Variants in KAZN observed in about 807,000 individuals in gnomAD.
KAZN encodes the protein kazrin, periplakin interacting protein, also known as kazrin.
A neutral mutation model predicts 87.4 loss-of-function variants in KAZN; 40 were observed. That is an observed-to-expected ratio of 0.46 (90% CI 0.36 to 0.60). The LOEUF (loss-of-function observed/expected upper bound fraction) is 0.60. Ranked by LOEUF, KAZN falls within the 20% of genes least tolerant of loss-of-function variation. The probability of loss-of-function intolerance (pLI) is 0.00; values close to 1 mark genes in which losing one functional copy is unlikely to be tolerated. For missense variants in KAZN, 898 were observed against 1,073.9 expected, an observed-to-expected ratio of 0.84 and a Z score of 2.29; for synonymous variants, 466 against 458.3, an observed-to-expected ratio of 1.02 and a Z score of -0.22.
At chr1:14,752,786 C>T (rs944107845) in intron 1 of KAZN, among the ~76,000 whole-genome samples, 4 of 152,116 alleles carry the variant, frequency 2.6e-5, no homozygotes, top group Admixed American at 2.0e-4. Flanking sequence ...CCAAAACCAG[C>T]GCTTAGTTTT....
Position 14,755,463 on chromosome 1 carries a change from T to C in KAZN, c.226+156240T>C, listed in dbSNP as rs117944158. The stretch of plus-strand genomic sequence containing the variant: ...TATAAATCTTAAAAGTCAACCTATA[T>C]GTCGTGTGGTTGTAGATTTTTTTTA... On this transcript the variant is annotated intron_variant, in intron 1 of 14. Coordinates refer to ENST00000376030, the MANE Select transcript of KAZN (RefSeq NM_201628.3). Among the ~76,000 whole-genome samples the C allele has an allele frequency of 3.1e-3, 479 of 152,234 alleles. 5 individuals carry two copies. In the East Asian group the frequency reaches 0.035, roughly 11 times the overall value.
At chr1:14,505,231 G>T (rs10927449) in intron 2 of KAZN, among the ~76,000 whole-genome samples, 113,694 of 152,022 alleles carry the variant, frequency 0.75, 43,159 homozygotes, top group Non-Finnish European at 0.8. Context: ...TGGGCCAGCC[G>T]AGGCCAGTGG....
intron 1 of KAZN, among the ~76,000 whole-genome samples, chr1:14,715,264 G>C (rs567499434): frequency 1.3e-5 from 2 of 152,210 alleles, no homozygotes; most frequent in South Asian, 4.1e-4. Flanking sequence ...GGCTGGAAAA[G>C]GCCAAAGGCT....
At chr1:15,000,295 G>T (rs377436717) in intron 2 of KAZN, among the ~76,000 whole-genome samples, 1 of 151,792 alleles carries the variant, frequency 6.6e-6, no homozygotes. Context: ...TATAGCCTCC[G>T]GTGGGAGCCT....
At chr1:14,295,683 C>T (rs969989330) in intron 2 of KAZN, among the ~76,000 whole-genome samples, 3 of 152,178 alleles carry the variant, frequency 2.0e-5, no homozygotes, top group Non-Finnish European at 4.4e-5. Flanking sequence ...CATGCACACA[C>T]ACACATGCGC....
chr1:14,481,190 T>C (rs2486762), intron 2 of KAZN, among the ~76,000 whole-genome samples: 50,881 of 151,856 alleles, frequency 0.34, 8,724 homozygotes, highest in East Asian at 0.45. Flanking sequence ...CTCTTATGTG[T>C]TGCATCTTCT....
At chr1:13,901,758 T>G (rs1367681181) in intron 1 of KAZN, among the ~76,000 whole-genome samples, 1 of 152,242 alleles carries the variant, frequency 6.6e-6, no homozygotes, top group African/African-American at 2.4e-5. Context: ...GTGTGAGATA[T>G]CCACTGTTTG....
chr1:14,558,838 C>G (rs1055502411), intron 2 of KAZN, among the ~76,000 whole-genome samples: 8 of 152,220 alleles, frequency 5.3e-5, no homozygotes, highest in African/African-American at 1.9e-4. Flanking sequence ...GAACAGAAAT[C>G]CTCTCAAATG....
chr1:14,071,424 T>A (rs1228107394), intron 1 of KAZN, among the ~76,000 whole-genome samples: 1 of 152,198 alleles, frequency 6.6e-6, no homozygotes, highest in Non-Finnish European at 1.5e-5. Context: ...TCTCATAGGT[T>A]CTAAGAGTAC....
intron 1 of KAZN, among the ~76,000 whole-genome samples, chr1:13,997,935 G>A (rs6659888): frequency 0.14 from 20,720 of 152,006 alleles, 1,529 homozygotes; most frequent in Middle Eastern, 0.22. Flanking sequence ...CTCCAAGGTC[G>A]AAATGAAGGA....
intron 2 of KAZN, among the ~76,000 whole-genome samples, chr1:14,296,083 T>C (rs1654091954): frequency 6.6e-6 from 1 of 152,168 alleles, no homozygotes. Context: ...TGACTTTGTA[T>C]AGGGACAGCA....
intron 2 of KAZN, among the ~76,000 whole-genome samples, chr1:14,386,786 T>C (rs1181808706): frequency 2.6e-5 from 4 of 152,126 alleles, no homozygotes; most frequent in South Asian, 2.1e-4. Context: ...CTGACAATTA[T>C]GTGTCTTGGA....
At chr1:14,042,560 T>G (rs1019093524) in intron 1 of KAZN, among the ~76,000 whole-genome samples, 2 of 152,244 alleles carry the variant, frequency 1.3e-5, no homozygotes, top group Admixed American at 6.5e-5. Context: ...TCACTCAATC[T>G]ATTTTATCAC....
At chr1:14,661,508 A>G (rs1436408608) in intron 1 of KAZN, among the ~76,000 whole-genome samples, 1 of 152,154 alleles carries the variant, frequency 6.6e-6, no homozygotes, top group East Asian at 1.9e-4. Flanking sequence ...GCAGCTGTAG[A>G]CAATATGTAA....
chr1:14,473,194 C>T (rs1450760608), intron 2 of KAZN, among the ~76,000 whole-genome samples: 1 of 152,188 alleles, frequency 6.6e-6, no homozygotes, highest in Non-Finnish European at 1.5e-5. Flanking sequence ...ACAGGATACT[C>T]AGTTAAATTA....
At chr1:14,488,775 A>G (rs1669486384) in intron 2 of KAZN, among the ~76,000 whole-genome samples, 2 of 152,180 alleles carry the variant, frequency 1.3e-5, no homozygotes, top group East Asian at 1.9e-4. Flanking sequence ...TTCTTCCCCC[A>G]GGGATCCTTC....
intron 1 of KAZN, chr1:14,924,146 G>A: frequency 1.0e-6 from 1 of 982,490 alleles, no homozygotes; most frequent in Non-Finnish European, 1.2e-6. Context: ...TCCCACGTGA[G>A]AGGCTCCGCG....
At chr1:13,962,683 A>C (rs1641799135) in intron 1 of KAZN, among the ~76,000 whole-genome samples, 1 of 151,992 alleles carries the variant, frequency 6.6e-6, no homozygotes, top group African/African-American at 2.4e-5. Context: ...TCAGCCTCCC[A>C]TGTAGCCAGG....
At chr1:14,094,936 C>T (rs970960015) in intron 1 of KAZN, among the ~76,000 whole-genome samples, 4 of 152,186 alleles carry the variant, frequency 2.6e-5, no homozygotes, top group East Asian at 3.8e-4. Flanking sequence ...TGGCAGCCTG[C>T]ATTTGGGGGC....
Sources: gnomAD v4.1 joint callset for allele counts (sites outside exome capture counted in the v4.1 genomes callset) on GRCh38, gnomAD v4.1.1 for gene constraint, MANE v1.5 for transcripts, NCBI Gene and HGNC (gene_info 2026-07-23, HGNC 2026-07-21) for gene names.